Variants in HSF2BP observed in about 807,000 individuals in gnomAD.
HSF2BP encodes the protein heat shock transcription factor 2 binding protein, also known as heat shock factor 2-binding protein.
HSF2BP carries 35 observed loss-of-function variants against 35.0 expected under a neutral mutation model. The ratio of observed to expected loss-of-function variants is 1.00; its 90% CI spans 0.76 to 1.32. HSF2BP has a LOEUF of 1.32. Ranked by LOEUF, HSF2BP falls within the 40% of genes most tolerant of loss-of-function variation. HSF2BP has a pLI of 0.00. For synonymous variants in HSF2BP, 114 were observed against 117.4 expected, an observed-to-expected ratio of 0.97 and a Z score of 0.18; for missense variants, 326 against 321.7, an observed-to-expected ratio of 1.01 and a Z score of -0.10.
intron 6 of HSF2BP, among the ~76,000 whole-genome samples, chr21:43,624,618 T>C (rs1438660531): frequency 7.2e-5 from 11 of 152,202 alleles, no homozygotes; most frequent in African/African-American, 2.7e-4. Flanking sequence ...GGAAGGTCCC[T>C]GGAAGACTAA....
At chr21:43,653,202 GAA>G in intron 3 of HSF2BP, among the ~76,000 whole-genome samples, 1 of 17,106 alleles carries the variant, frequency 5.8e-5, no homozygotes, top group Non-Finnish European at 1.0e-4. Flanking sequence ...AAGGGAAGGG[GAA>G]GGGAAGGGAA....
chr21:43,593,028 T>G (rs1441523087), intron 7 of HSF2BP, among the ~76,000 whole-genome samples: 1 of 152,202 alleles, frequency 6.6e-6, no homozygotes, highest in East Asian at 1.9e-4. Context: ...TTGCAAAGCC[T>G]TTGAAATAAT....
rs200165527 is a variant in HSF2BP, at chr21:43,597,508, C to T, written c.693-5180G>A. 6.6e-6 allele frequency among the ~76,000 whole-genome samples: 1 copy of T among 152,042 alleles called. No individual in the cohort carries two copies. The highest frequency in any genetic ancestry group is 2.4e-5 in the African/African-American group (1 of 41,378). ...AATATATTAAAAATGCCCTAATAAG[C>T]AAAACTTTAATTTTTTACTTTTTTT... On this transcript the variant is annotated intron_variant, in intron 7 of 8. Transcript: ENST00000291560. The surrounding 1 kb of genome is among the most constrained non-coding windows in gnomAD (Gnocchi z 4.3).
chr21:43,644,033 T>C (rs2082675586), intron 4 of HSF2BP, among the ~76,000 whole-genome samples: 1 of 152,132 alleles, frequency 6.6e-6, no homozygotes, highest in Non-Finnish European at 1.5e-5. Context: ...ACTAAGATAA[T>C]TATGAACCTT....
At chr21:43,596,036 A>C (rs942056109) in intron 7 of HSF2BP, among the ~76,000 whole-genome samples, 3 of 152,086 alleles carry the variant, frequency 2.0e-5, no homozygotes, top group African/African-American at 7.2e-5. Flanking sequence ...AATATTTCAT[A>C]CTGAAAAGTT....
intron 8 of HSF2BP, among the ~76,000 whole-genome samples, chr21:43,574,566 C>T (rs577161403): frequency 1.8e-4 from 27 of 152,134 alleles, no homozygotes; most frequent in Non-Finnish European, 3.4e-4. Context: ...ACCATGTTAG[C>T]CAGGATGGTC....
At chr21:43,634,057 T>C (rs972546832) in intron 4 of HSF2BP, among the ~76,000 whole-genome samples, 6 of 152,044 alleles carry the variant, frequency 3.9e-5, no homozygotes, top group South Asian at 2.1e-4. Context: ...GTAGGAAAGA[T>C]GGGAGGAGGG....
chr21:43,636,405 A>T (rs996047492), intron 4 of HSF2BP, among the ~76,000 whole-genome samples: 1 of 152,140 alleles, frequency 6.6e-6, no homozygotes, highest in Non-Finnish European at 1.5e-5. Context: ...TAATAAAGTA[A>T]GTTTCATCAA....
chr21:43,614,388 C>T (rs577601267), intron 6 of HSF2BP, among the ~76,000 whole-genome samples: 2 of 149,044 alleles, frequency 1.3e-5, no homozygotes, highest in Non-Finnish European at 3.0e-5. Context: ...AAATTATCAA[C>T]AAAAATGACA....
At chr21:43,589,162 C>T (rs1401334888) in intron 8 of HSF2BP, among the ~76,000 whole-genome samples, 1 of 152,146 alleles carries the variant, frequency 6.6e-6, no homozygotes, top group Non-Finnish European at 1.5e-5. Flanking sequence ...CTGAACTTTG[C>T]CCTAGAGGGA....
rs1353102634 is a variant in HSF2BP at position 43,597,299 on chromosome 21, G to C, written c.693-4971C>G. ...TAATTCCCTTCAGGAAAAGATAACA[G>C]AGTCCAGAGCCCCCACAACCTACCT... On this transcript the variant is annotated intron_variant, in intron 7 of 8. Coordinates refer to ENST00000291560, the MANE Select transcript of HSF2BP (RefSeq NM_007031.2). This position sits in a 1 kb window ranked among gnomAD's most constrained non-coding sequence, Gnocchi z 4.3. 6.6e-6 allele frequency among the ~76,000 whole-genome samples: 1 copy of C among 152,100 alleles called. No individual in the cohort carries two copies. Among genetic ancestry groups the C allele is most frequent in the Non-Finnish European group, 1.5e-5 (1 of 68,024 alleles).
chr21:43,605,478 G>A (rs1366264284), intron 7 of HSF2BP, among the ~76,000 whole-genome samples: 7 of 73,222 alleles, frequency 9.6e-5, no homozygotes, highest in South Asian at 8.5e-4. Context: ...ACCCCCACAC[G>A]CCACACCCAC....
At chr21:43,600,263 A>G (rs2082036100) in intron 7 of HSF2BP, among the ~76,000 whole-genome samples, 1 of 152,212 alleles carries the variant, frequency 6.6e-6, no homozygotes, top group Non-Finnish European at 1.5e-5. Flanking sequence ...ATAACTTGCA[A>G]CCTACGAGTA....
intron 6 of HSF2BP, among the ~76,000 whole-genome samples, chr21:43,627,839 C>T (rs2082408091): frequency 6.6e-6 from 1 of 152,158 alleles, no homozygotes; most frequent in Non-Finnish European, 1.5e-5. Flanking sequence ...ACAGTGTGTG[C>T]TTAATTCATG....
At chr21:43,586,062 A>G (rs779256906) in intron 8 of HSF2BP, among the ~76,000 whole-genome samples, 6 of 152,236 alleles carry the variant, frequency 3.9e-5, no homozygotes, top group African/African-American at 7.2e-5. Context: ...ATAACCGCCT[A>G]TCTGCCCTTT....
chr21:43,580,823 T>C (rs538617984), intron 8 of HSF2BP, among the ~76,000 whole-genome samples: 109 of 152,352 alleles, frequency 7.2e-4, no homozygotes, highest in Admixed American at 7.1e-3. Context: ...AAGAAGTTGC[T>C]TACTAGAATC....
In HSF2BP at chr21:43,636,959, C is replaced by T. The variant is rs188074209; in HGVS notation, c.292-3538G>A. 3.5e-4 allele frequency among the ~76,000 whole-genome samples: 50 copies of T among 144,112 alleles called. No homozygotes were observed. In the East Asian group the frequency reaches 9.0e-3, roughly 26 times the overall value. The allele number at this position is 144,112 out of a possible 152,430, so 94.5% of individuals were successfully genotyped here. A position where few individuals can be genotyped will look rare whatever the true frequency, so the allele number is the denominator to read the frequency against. ...ACATACGACCGCAGAAAAACCTGTA[C>T]ACAAATGTTTATAGTGGCATTATTC... is the stretch of plus-strand genomic sequence containing the variant. On this transcript the variant is annotated intron_variant, in intron 4 of 8. Coordinates refer to ENST00000291560, the MANE Select transcript of HSF2BP (RefSeq NM_007031.2).
Position 43,612,354 on chromosome 21 carries a change from CT to C in HSF2BP, c.692+1475del, listed in dbSNP as rs1392126725. 2.0e-5 allele frequency among the ~76,000 whole-genome samples: 3 copies of C among 152,076 alleles called. No homozygotes were observed. In the East Asian group the frequency reaches 5.8e-4, roughly 29 times the overall value. On this transcript the variant is annotated intron_variant, in intron 7 of 8. Transcript: ENST00000291560. ...GGCACAGACTTTACAGAAGCTCTTA[CT>C]TTTTAAAAGTGCTAGGCCGGGCGCA...
At position 43,630,383 on chromosome 21, in the gene HSF2BP, A is replaced by G. The variant is rs2082440115; in HGVS notation, c.513T>C (p.Asp171=). ...TTTCATCCGAATCCAGCTCCTGGAC[A>G]TCACCGTCTAACGACTTCACAAAAC... is the stretch of plus-strand genomic sequence containing the variant. ...MESFVKSLDG[D]VQELDSDESQ... is the part of the protein sequence containing the mutation. Residue 171 remains aspartate, a synonymous_variant, in exon 6 of 9, where the codon GAT becomes GAC. Coordinates refer to ENST00000291560, the MANE Select transcript of HSF2BP (RefSeq NM_007031.2). The G allele has an allele frequency of 6.2e-7, 1 of 1,613,742 alleles. No homozygotes were observed. The highest frequency in any genetic ancestry group is 8.5e-7 in the Non-Finnish European group (1 of 1,179,904).
Sources: gnomAD v4.1 joint callset for allele counts (sites outside exome capture counted in the v4.1 genomes callset) on GRCh38, gnomAD v4.1.1 for gene constraint, Gnocchi (gnomAD v3.1) non-coding constraint, MANE v1.5 for transcripts, NCBI Gene and HGNC (gene_info 2026-07-23, HGNC 2026-07-21) for gene names.